The following FBXO15 variants were observed in gnomAD, a reference collection of about 807,000 sequenced individuals.
The protein encoded by FBXO15 is F-box protein 15.
Under a neutral mutation model 49.5 loss-of-function variants are expected in FBXO15, and 30 were observed. The ratio of observed to expected loss-of-function variants is 0.61; its 90% CI spans 0.45 to 0.82. The LOEUF (loss-of-function observed/expected upper bound fraction) is 0.82, where lower values mean the gene tolerates loss of function less well. Among genes scored for constraint, FBXO15 ranks in the 40% least tolerant of loss-of-function variants. The pLI, the probability that FBXO15 is intolerant of heterozygous loss-of-function variation, is 0.00. For synonymous variants in FBXO15, 250 were observed against 232.7 expected, an observed-to-expected ratio of 1.07 and a Z score of -0.68; for missense variants, 591 against 631.5, an observed-to-expected ratio of 0.94 and a Z score of 0.69.
chr18:74,085,260 T>G (rs998614724), intron 8 of FBXO15, among the ~76,000 whole-genome samples: 1 of 151,936 alleles, frequency 6.6e-6, no homozygotes, highest in African/African-American at 2.4e-5. Flanking sequence ...AGACTTACTA[T>G]AGAGCTACAG....
At chr18:74,132,207 C>G (rs987970154) in intron 3 of FBXO15, among the ~76,000 whole-genome samples, 4 of 152,220 alleles carry the variant, frequency 2.6e-5, no homozygotes, top group Non-Finnish European at 4.4e-5. Flanking sequence ...AAAGCTGAAA[C>G]TGTTTCACCA....
intron 1 of FBXO15, 124 bp downstream of exon 1, chr18:74,147,546 T>C (rs1979516783): frequency 7.8e-6 from 10 of 1,287,110 alleles, no homozygotes; most frequent in Non-Finnish European, 9.8e-6. Flanking sequence ...CATACCCTTC[T>C]CACGTTGAAG....
intron 1 of FBXO15, chr18:74,147,027 T>C (rs909109782): frequency 6.6e-6 from 1 of 152,208 alleles, no homozygotes; most frequent in South Asian, 2.1e-4. Context: ...AGGGATTTCA[T>C]AAGGTACCAT....
intron 8 of FBXO15, chr18:74,122,556 A>G (rs1488347985): frequency 6.6e-6 from 1 of 152,254 alleles, no homozygotes; most frequent in African/African-American, 2.4e-5. Flanking sequence ...ATGAGTGTCA[A>G]GTCCACTAGA....
At chr18:74,111,235 C>A (rs565163088) in intron 8 of FBXO15, among the ~76,000 whole-genome samples, 1 of 142,840 alleles carries the variant, frequency 7.0e-6, no homozygotes, top group East Asian at 2.0e-4. Flanking sequence ...GAGGCCGAGG[C>A]AGGCAGATCA....
chr18:74,109,533 C>T (rs1414172232), intron 8 of FBXO15, among the ~76,000 whole-genome samples: 6 of 152,026 alleles, frequency 3.9e-5, no homozygotes, highest in Admixed American at 2.6e-4. Context: ...TGCACACATA[C>T]GTTTATTGTG....
chr18:74,137,265 G>C (rs550132332), intron 2 of FBXO15, among the ~76,000 whole-genome samples: 1 of 152,202 alleles, frequency 6.6e-6, no homozygotes, highest in Non-Finnish European at 1.5e-5. Context: ...TCTAATGCTA[G>C]AGACAGCAAA....
intron 9 of FBXO15, among the ~76,000 whole-genome samples, chr18:74,080,110 C>T (rs1344897260): frequency 1.3e-5 from 2 of 152,114 alleles, no homozygotes; most frequent in African/African-American, 2.4e-5. Flanking sequence ...ACTTTCTAAG[C>T]TTATGTCCAT....
At chr18:74,091,760 T>G (rs1011723116) in intron 8 of FBXO15, among the ~76,000 whole-genome samples, 1 of 152,246 alleles carries the variant, frequency 6.6e-6, no homozygotes, top group African/African-American at 2.4e-5. Context: ...ACTGTTAGTT[T>G]GATGAAGCTC....
intron 2 of FBXO15, among the ~76,000 whole-genome samples, chr18:74,138,715 T>C (rs558406398): frequency 5.3e-5 from 8 of 152,218 alleles, no homozygotes; most frequent in African/African-American, 1.7e-4. Flanking sequence ...GTCATTATCA[T>C]GGCCCTCTCT....
Position 74,096,969 on chromosome 18 carries a change from T to TGAAGGTCTAGATCACGGGA in FBXO15, c.1139-14937_1139-14919dup, listed in dbSNP as rs1391264759. ...GAAAACACACCCTCATTGGAGAACT[T>TGAAGGTCTAGATCACGGGA]GAAGGTCTAGATCACGGGAGAAGGT... On this transcript the variant is annotated intron_variant, in intron 8 of 9. Transcript: ENST00000419743. 3.9e-5 allele frequency: 6 copies of TGAAGGTCTAGATCACGGGA among 152,276 alleles called. No individual in the cohort carries two copies. In the East Asian group the frequency reaches 9.7e-4, roughly 25 times the overall value. 9.4% of individuals were successfully genotyped at this position (152,276 alleles called of 1,614,324 possible). A position where few individuals can be genotyped will look rare whatever the true frequency, so the allele number is the denominator to read the frequency against.
Position 74,135,745 on chromosome 18 carries a change from C to T in FBXO15, c.332+17G>A, listed in dbSNP as rs774010341. 1.3e-6 allele frequency: 2 copies of T among 1,578,610 alleles called. No homozygotes were observed. Among genetic ancestry groups the T allele is most frequent in the Non-Finnish European group, 1.7e-6 (2 of 1,165,492 alleles). On this transcript the variant is annotated intron_variant, in intron 3 of 9. Coordinates refer to ENST00000419743, the MANE Select transcript of FBXO15 (RefSeq NM_001142958.2). ...AACTGTCATCAAAACATAACAGAGACTTGGATTTCTGCTTACTTGTCATTG... is the reference window on the plus strand; with the variant it reads ...AACTGTCATCAAAACATAACAGAGATTTGGATTTCTGCTTACTTGTCATTG...
At chr18:74,139,053 A>C (rs1438868995) in intron 2 of FBXO15, among the ~76,000 whole-genome samples, 1 of 151,974 alleles carries the variant, frequency 6.6e-6, no homozygotes, top group Non-Finnish European at 1.5e-5. Context: ...TGGAGCCCCC[A>C]CCACCACACC....
chr18:74,138,382 C>T (rs1005478303), intron 2 of FBXO15, among the ~76,000 whole-genome samples: 12 of 152,138 alleles, frequency 7.9e-5, no homozygotes, highest in Non-Finnish European at 1.5e-4. Flanking sequence ...CTCCTCCCCC[C>T]GCCTCCCCAG....
intron 8 of FBXO15, among the ~76,000 whole-genome samples, chr18:74,117,691 G>A (rs939950735): frequency 5.3e-5 from 8 of 152,062 alleles, no homozygotes; most frequent in South Asian, 2.1e-4. Flanking sequence ...CAGCTCAGGC[G>A]TGCTGTGAAA....
At chr18:74,144,405 G>A (rs1369342705) in intron 1 of FBXO15, among the ~76,000 whole-genome samples, 3 of 151,780 alleles carry the variant, frequency 2.0e-5, no homozygotes, top group Non-Finnish European at 2.9e-5. Context: ...TTGGGGGGTG[G>A]GGGTGTTGTT....
At chr18:74,093,455 C>T (rs1913145225) in intron 8 of FBXO15, among the ~76,000 whole-genome samples, 1 of 152,158 alleles carries the variant, frequency 6.6e-6, no homozygotes, top group South Asian at 2.1e-4. Context: ...TCCAAGGCAG[C>T]ACTGCAAGCA....
Position 74,147,762 on chromosome 18 carries a change from G to T in FBXO15, c.24C>A (p.Ile8=), listed in dbSNP as rs1409885658. Residue 8 remains isoleucine, a synonymous_variant, in exon 1 of 10, where the codon ATC becomes ATA. Coordinates refer to ENST00000419743, the MANE Select transcript of FBXO15 (RefSeq NM_001142958.2). MATGRGR[I]LQQHWLGLQT... is the part of the protein sequence containing the mutation. ...GGAGGCCGAGCCAGTGCTGCTGCAAGATCCGACCGCGTCCAGTCGCCATAG... is the reference window on the plus strand; with the variant it reads ...GGAGGCCGAGCCAGTGCTGCTGCAATATCCGACCGCGTCCAGTCGCCATAG... 5 of 1,535,346 alleles carry T rather than the reference G, an allele frequency of 3.3e-6. No individual in the cohort carries two copies. The highest frequency in any genetic ancestry group is 4.0e-5 in the Admixed American group (2 of 50,160).
At chr18:74,143,506 C>T (rs948900632) in intron 1 of FBXO15, among the ~76,000 whole-genome samples, 1 of 152,140 alleles carries the variant, frequency 6.6e-6, no homozygotes, top group Admixed American at 6.5e-5. Context: ...CCTTAAAAAG[C>T]ACATATGCTC....
Sources: allele counts gnomAD v4.1 joint callset (sites outside exome capture counted in the v4.1 genomes callset), GRCh38; gene constraint gnomAD v4.1.1; transcripts MANE v1.5; gene names NCBI Gene and HGNC (gene_info 2026-07-23, HGNC 2026-07-21).